ABCB4: variants seen among roughly 807,000 people sequenced by gnomAD.
The protein encoded by ABCB4 is ATP binding cassette subfamily B member 4, also known as phosphatidylcholine translocator ABCB4.
In ABCB4, 76 loss-of-function variants were observed where a neutral mutation model predicts 145.7. The observed-to-expected ratio is 0.52, with a 90% confidence interval of 0.43 to 0.63. The LOEUF (loss-of-function observed/expected upper bound fraction) is 0.63. ABCB4 is among the 30% of genes least tolerant of loss of function. The probability of loss-of-function intolerance (pLI) is 0.00; values close to 1 mark genes in which losing one functional copy is unlikely to be tolerated. For missense variants in ABCB4, 1,234 were observed against 1,553.1 expected (o/e 0.79, Z 3.45); for synonymous variants, 517 against 566.8 (o/e 0.91, Z 1.25).
At chr7:87,382,118 T>A in the ABCB4 span, 2 of 1,613,688 alleles carry the variant, frequency 1.2e-6, no homozygotes, top group African/African-American at 2.7e-5. Flanking sequence ...AAGAGCTCAT[T>A]TTCATTGTGG....
chr7:87,467,572 C>T (rs577980266), intron 3 of ABCB4, among the ~76,000 whole-genome samples: 2 of 152,286 alleles, frequency 1.3e-5, no homozygotes, highest in Admixed American at 1.3e-4. Context: ...AACTCTCCAC[C>T]CCAAATCAAC....
intron 8 of ABCB4, 70 bp downstream of exon 8, chr7:87,449,898 T>C: frequency 6.2e-7 from 1 of 1,612,382 alleles, no homozygotes; most frequent in Non-Finnish European, 8.5e-7. Flanking sequence ...AAAAAACACA[T>C]ACCACAAAGA....
intron 14 of ABCB4, among the ~76,000 whole-genome samples, chr7:87,438,767 T>C (rs979471695): frequency 6.6e-6 from 1 of 151,578 alleles, no homozygotes; most frequent in African/African-American, 2.4e-5. Context: ...ACAAAAAGAG[T>C]CAAGATATTA....
rs1808179493 is a variant in ABCB4 at position 87,406,280 on chromosome 7, T to A, written c.3486+8A>T. The A allele has an allele frequency of 6.2e-7, 1 of 1,614,064 alleles. No individual in the cohort carries two copies. The highest frequency in any genetic ancestry group is 2.2e-5 in the East Asian group (1 of 44,892). On this transcript the variant is annotated splice_region_variant and intron_variant, in intron 26 of 27. Coordinates refer to ENST00000649586, the MANE Select transcript of ABCB4 (RefSeq NM_000443.4). ...GTCTCTTCTGATTTCAGCTACTCTTTAACTTACGTGGGGTAACGTCTCGAT... is the reference window on the plus strand; with the variant it reads ...GTCTCTTCTGATTTCAGCTACTCTTAAACTTACGTGGGGTAACGTCTCGAT...
chr7:87,426,588 A>G (rs1244451497), intron 16 of ABCB4, among the ~76,000 whole-genome samples, 162 bp downstream of exon 16: 2 of 152,190 alleles, frequency 1.3e-5, no homozygotes, highest in Non-Finnish European at 2.9e-5. Context: ...ATTTCAATTC[A>G]TTGTCAAATA....
chr7:87,403,132 C>T lies in ABCB4; in HGVS notation c.3633+3G>A, dbSNP rs1807925683. 2 of 1,613,906 alleles carry T rather than the reference C, an allele frequency of 1.2e-6. No homozygotes were observed. The highest frequency in any genetic ancestry group is 1.3e-5 in the African/African-American group (1 of 74,912). ...AAGACATAAGTTGGGAGGCCACACA[C>T]ACCTTTTCACTTTCAGTATCCAGAG... On this transcript the variant is annotated splice_donor_region_variant and intron_variant, in intron 27 of 27. Coordinates refer to ENST00000649586, the MANE Select transcript of ABCB4 (RefSeq NM_000443.4).
At chr7:87,413,592 T>C (rs1332117508) in intron 22 of ABCB4, 25 bp downstream of exon 22, 2 of 1,414,868 alleles carry the variant, frequency 1.4e-6, no homozygotes, top group Admixed American at 1.7e-5. Flanking sequence ...ACTAGGTTCT[T>C]AGCAGGAATC....
chr7:87,437,599 C>T (rs1386563646), intron 14 of ABCB4, among the ~76,000 whole-genome samples: 1 of 152,174 alleles, frequency 6.6e-6, no homozygotes, highest in Non-Finnish European at 1.5e-5. Context: ...TTCATATGTG[C>T]TAGGCATGTG....
chr7:87,394,620 C>T, the ABCB4 span, among the ~76,000 whole-genome samples: 4 of 150,996 alleles, frequency 2.6e-5, no homozygotes, highest in South Asian at 2.1e-4. Context: ...AAAACTTTGC[C>T]GTTTGCAAAA....
the ABCB4 span, chr7:87,375,636 C>G: frequency 6.2e-7 from 1 of 1,610,960 alleles, no homozygotes; most frequent in Non-Finnish European, 8.5e-7. Flanking sequence ...CATAAGACAA[C>G]TGACATATAT....
chr7:87,395,517 T>G, the ABCB4 span, among the ~76,000 whole-genome samples: 223 of 152,312 alleles, frequency 1.5e-3, no homozygotes, highest in African/African-American at 5.2e-3. Flanking sequence ...CCAACACTAC[T>G]GTTTTGTGCA....
chr7:87,420,142 G>A (rs1254981341), intron 18 of ABCB4, 67 bp from the exon 19 acceptor site: 1 of 1,471,782 alleles, frequency 6.8e-7, no homozygotes, highest in South Asian at 1.1e-5. Flanking sequence ...GACCAATCAT[G>A]TTCAACTTTT....
At chr7:87,415,286 C>A (rs1365082826) in intron 21 of ABCB4, among the ~76,000 whole-genome samples, 1 of 152,016 alleles carries the variant, frequency 6.6e-6, no homozygotes, top group South Asian at 2.1e-4. Flanking sequence ...ATACCTCAAA[C>A]CCTGTTGTAC....
At chr7:87,436,662 A>G (rs535446659) in intron 14 of ABCB4, among the ~76,000 whole-genome samples, 1 of 152,252 alleles carries the variant, frequency 6.6e-6, no homozygotes, top group African/African-American at 2.4e-5. Context: ...AACTAAAGAG[A>G]ACAATGGACT....
the ABCB4 span, among the ~76,000 whole-genome samples, chr7:87,381,450 A>G: frequency 6.6e-6 from 1 of 152,190 alleles, no homozygotes; most frequent in East Asian, 1.9e-4. Flanking sequence ...TATGCTTTCT[A>G]ATATTCACTA....
rs539255404 is a variant in ABCB4, at chr7:87,444,196, T to C, written c.1120-423A>G. On this transcript the variant is annotated intron_variant, in intron 10 of 27. Coordinates refer to ENST00000649586, the MANE Select transcript of ABCB4 (RefSeq NM_000443.4). ...AATGTAATAGATTGAATTGAGAAGA[T>C]TGAATGGTTGATTATAGCAGTTATT... is the stretch of plus-strand genomic sequence containing the variant. Among the ~76,000 whole-genome samples, 7 of 152,270 alleles carry C rather than the reference T, an allele frequency of 4.6e-5. No homozygotes were observed. In the South Asian group the frequency reaches 1.5e-3, roughly 32 times the overall value.
chr7:87,434,262 G>T (rs984994186), intron 14 of ABCB4, among the ~76,000 whole-genome samples: 2 of 151,678 alleles, frequency 1.3e-5, no homozygotes, highest in African/African-American at 4.8e-5. Context: ...TTCTTTTCCT[G>T]TTCTTCTATG....
intron 26 of ABCB4, chr7:87,405,807 T>C (rs1808145317): frequency 4.9e-6 from 1 of 202,240 alleles, no homozygotes; most frequent in Admixed American, 5.3e-5. Context: ...TGAATGCAAG[T>C]AAAACAAGGG....
intron 24 of ABCB4, among the ~76,000 whole-genome samples, chr7:87,408,953 T>C (rs1808410429): frequency 1.3e-5 from 2 of 152,232 alleles, no homozygotes; most frequent in Non-Finnish European, 2.9e-5. Context: ...ATTATACCTT[T>C]ATGTAGAAAT....
Sources: gnomAD v4.1 joint callset for allele counts (sites outside exome capture counted in the v4.1 genomes callset) on GRCh38, gnomAD v4.1.1 for gene constraint, MANE v1.5 for transcripts, NCBI Gene and HGNC (gene_info 2026-07-23, HGNC 2026-07-21) for gene names.